The following GALK2 variants were observed in gnomAD, a reference collection of about 807,000 sequenced individuals.
GALK2 encodes galactokinase 2.
In GALK2, 36 loss-of-function variants were observed where a neutral mutation model predicts 52.4. That is an observed-to-expected ratio of 0.69 (90% CI 0.53 to 0.91). The LOEUF is 0.91. GALK2 is among the 40% of genes least tolerant of loss of function. The pLI, the probability that GALK2 is intolerant of heterozygous loss-of-function variation, is 0.00. For missense variants in GALK2, 579 were observed against 559.1 expected (o/e 1.04, Z -0.36); for synonymous variants, 176 against 199.1 (o/e 0.88, Z 0.98).
chr15:49,254,810 G>A (rs761254181), intron 5 of GALK2, among the ~76,000 whole-genome samples: 4 of 144,100 alleles, frequency 2.8e-5, no homozygotes, highest in Non-Finnish European at 6.2e-5. Context: ...TATTGACAGC[G>A]ATGTTACATC....
At position 49,239,201 on chromosome 15, in the gene GALK2, G is replaced by A. The variant is rs764253332; in HGVS notation, c.358-20G>A. Reference sequence around the variant, plus strand: ...AATTCAATACTGAATTACTGTTGCTGTTTTTCCTTATATTCTTAGGAACAC... The same window carrying A: ...AATTCAATACTGAATTACTGTTGCTATTTTTCCTTATATTCTTAGGAACAC... On this transcript the variant is annotated intron_variant, in intron 4 of 9. Coordinates refer to ENST00000560031, the MANE Select transcript of GALK2 (RefSeq NM_002044.4). 1.2e-6 allele frequency: 2 copies of A among 1,610,808 alleles called. No individual in the cohort carries two copies. The highest frequency in any genetic ancestry group is 2.2e-5 in the South Asian group (2 of 90,968).
Position 49,366,677 on chromosome 15 carries a change from G to A in GALK2, c.427-814G>A, listed in dbSNP as rs536173180. ...CGTGGCAGGGGACAGCCGCCGCTGC[G>A]GCCCCATCGGACTGGTGGGTGGCGG... On this transcript the variant is annotated intron_variant, in intron 3 of 3. Transcript: ENST00000558399. 2.2e-4 allele frequency: 336 copies of A among 1,516,420 alleles called. 1 individual carries two copies. The African/African-American group carries it at 3.3e-3, about 15-fold the overall frequency. 93.9% of individuals were successfully genotyped at this position (1,516,420 alleles called of 1,614,324 possible). A position where few individuals can be genotyped will look rare whatever the true frequency, so the allele number is the denominator to read the frequency against.
At chr15:49,276,652 T>G (rs185402643) in intron 5 of GALK2, among the ~76,000 whole-genome samples, 409 of 152,312 alleles carry the variant, frequency 2.7e-3, no homozygotes, top group Non-Finnish European at 4.1e-3. Flanking sequence ...AAAGCATGAA[T>G]AGACTCACTC....
chr15:49,237,833 AAT>A (rs2090906679), intron 4 of GALK2, among the ~76,000 whole-genome samples: 1 of 152,036 alleles, frequency 6.6e-6, no homozygotes. Flanking sequence ...GTTTATATTA[AAT>A]ATATTGTATT....
At chr15:49,231,344 A>G (rs2090493486) in intron 3 of GALK2, among the ~76,000 whole-genome samples, 1 of 152,164 alleles carries the variant, frequency 6.6e-6, no homozygotes, top group African/African-American at 2.4e-5. Flanking sequence ...CCAAAGGGGG[A>G]AATCCACCTC....
intron 3 of GALK2, among the ~76,000 whole-genome samples, chr15:49,362,671 G>A (rs1179510262): frequency 6.6e-6 from 1 of 152,032 alleles, no homozygotes; most frequent in Non-Finnish European, 1.5e-5. Context: ...ATTGCTTTTG[G>A]CATCTTTATC....
intron 5 of GALK2, among the ~76,000 whole-genome samples, chr15:49,265,936 G>C (rs1230887740): frequency 1.3e-5 from 2 of 152,136 alleles, no homozygotes; most frequent in Non-Finnish European, 2.9e-5. Flanking sequence ...TGCGAAGGAG[G>C]GTATGTCAGT....
intron 9 of GALK2, among the ~76,000 whole-genome samples, chr15:49,320,781 T>C (rs2036808857): frequency 6.6e-6 from 1 of 152,240 alleles, no homozygotes; most frequent in African/African-American, 2.4e-5. Context: ...CTTCCCCAGC[T>C]TGTTTCATTT....
chr15:49,177,732 C>T (rs1283704440), intron 1 of GALK2: 2 of 810,754 alleles, frequency 2.5e-6, no homozygotes, highest in African/African-American at 3.5e-5. Flanking sequence ...TCAGCCCATG[C>T]ATCACCCTTT....
In GALK2 at chr15:49,164,345, C is replaced by CA. The variant is rs34702340; in HGVS notation, c.20+8343dup. Among the ~76,000 whole-genome samples, 1,028 of 143,840 alleles carry CA rather than the reference C, an allele frequency of 7.1e-3. 13 individuals are homozygous for CA. Among genetic ancestry groups the CA allele is most frequent in the African/African-American group, 0.021 (823 of 39,224 alleles). The allele number at this position is 143,840 out of a possible 152,430, so 94.4% of individuals were successfully genotyped here. On this transcript the variant is annotated intron_variant, in intron 1 of 9. Coordinates refer to the GALK2 transcript ENST00000327171. ...CTGGAGAGCATTAGCAAATGTATTC[C>CA]AAAAAAAAAAAAAATTGCTTAAGAT... is the stretch of plus-strand genomic sequence containing the variant.
chr15:49,262,261 T>A (rs1332635800), intron 5 of GALK2, among the ~76,000 whole-genome samples: 2 of 152,124 alleles, frequency 1.3e-5, no homozygotes, highest in African/African-American at 2.4e-5. Flanking sequence ...TTATTGGTCT[T>A]TTCAGAGATT....
chr15:49,272,579 C>T (rs1450704133), intron 5 of GALK2, among the ~76,000 whole-genome samples: 1 of 152,150 alleles, frequency 6.6e-6, no homozygotes, highest in African/African-American at 2.4e-5. Context: ...GTATACTGTA[C>T]TCTTTTCTCC....
intron 3 of GALK2, among the ~76,000 whole-genome samples, chr15:49,232,513 C>T (rs1446716248): frequency 1.3e-5 from 2 of 152,258 alleles, no homozygotes; most frequent in Non-Finnish European, 2.9e-5. Context: ...ATTTCTGTAG[C>T]TGGCTTGAAC....
chr15:49,156,427 T>TA lies in GALK2; in HGVS notation c.20+412dup, dbSNP rs1247324552. 26 of 448,670 alleles carry TA rather than the reference T, an allele frequency of 5.8e-5. No homozygotes were observed. In the East Asian group the frequency reaches 1.4e-3, roughly 23 times the overall value. 27.8% of individuals were successfully genotyped at this position (448,670 alleles called of 1,614,324 possible). On this transcript the variant is annotated intron_variant, in intron 1 of 9. Transcript: ENST00000327171. ...CCTCTCTCGCTCCCAGGCACCCCTC[T>TA]ACCAGCAGCCTCCTGCCAGAGCAGA...
At chr15:49,277,688 C>T (rs906963894) in intron 5 of GALK2, among the ~76,000 whole-genome samples, 57 of 147,118 alleles carry the variant, frequency 3.9e-4, no homozygotes, top group African/African-American at 1.4e-3. Context: ...CCCAGCTACT[C>T]GGGTGGCTGA....
At chr15:49,286,559 A>AT (rs1382824792) in intron 7 of GALK2, among the ~76,000 whole-genome samples, 1 of 152,202 alleles carries the variant, frequency 6.6e-6, no homozygotes, top group Non-Finnish European at 1.5e-5. Flanking sequence ...GGGGGCATAC[A>AT]TTTTTTGAAA....
At chr15:49,194,324 C>CAA (rs201571630) in intron 1 of GALK2, 25 of 143,772 alleles carry the variant, frequency 1.7e-4, no homozygotes, top group South Asian at 1.1e-3. Context: ...GACTACGTCT[C>CAA]AAAAAAAAAA....
At chr15:49,345,289 A>C (rs2041304650) in intron 3 of GALK2, among the ~76,000 whole-genome samples, 1 of 152,300 alleles carries the variant, frequency 6.6e-6, no homozygotes, top group South Asian at 2.1e-4. Context: ...GGGTAGACAT[A>C]CGTTCCTCAT....
intron 5 of GALK2, among the ~76,000 whole-genome samples, chr15:49,261,801 C>A (rs2092124382): frequency 6.6e-6 from 1 of 152,004 alleles, no homozygotes; most frequent in Admixed American, 6.5e-5. Flanking sequence ...TTGTCAAAGG[C>A]TTTTTCTGCA....
Sources: gnomAD v4.1 joint callset for allele counts (sites outside exome capture counted in the v4.1 genomes callset) on GRCh38, gnomAD v4.1.1 for gene constraint, MANE v1.5 for transcripts, NCBI Gene and HGNC (gene_info 2026-07-23, HGNC 2026-07-21) for gene names.